Variants in CAV1 observed in about 807,000 individuals in gnomAD.
The protein encoded by CAV1 is caveolin 1.
CAV1 carries 10 observed loss-of-function variants against 16.5 expected under a neutral mutation model. The ratio of observed to expected loss-of-function variants is 0.61; its 90% CI spans 0.37 to 1.03. CAV1 has a LOEUF of 1.03. Among genes scored for constraint, CAV1 ranks in the 50% least tolerant of loss-of-function variants. The pLI is 0.01. For synonymous variants in CAV1, 76 were observed against 85.1 expected, an observed-to-expected ratio of 0.89 and a Z score of 0.59; for missense variants, 212 against 232.8, an observed-to-expected ratio of 0.91 and a Z score of 0.58.
intron 2 of CAV1, among the ~76,000 whole-genome samples, chr7:116,528,112 G>A (rs1793607359): frequency 1.5e-5 from 2 of 129,314 alleles, no homozygotes; most frequent in Admixed American, 9.1e-5. Context: ...CTTTGAACAA[G>A]AAGGAGAGTT....
intron 2 of CAV1, among the ~76,000 whole-genome samples, chr7:116,556,672 G>A (rs1181185169): frequency 6.6e-6 from 1 of 152,088 alleles, no homozygotes; most frequent in Non-Finnish European, 1.5e-5. Context: ...GACCTGCTTC[G>A]GGTCTGCTCT....
intron 2 of CAV1, among the ~76,000 whole-genome samples, chr7:116,535,984 G>A (rs144740459): frequency 2.0e-3 from 297 of 152,278 alleles, no homozygotes; most frequent in Non-Finnish European, 3.0e-3. Context: ...GCTGCATTCA[G>A]TGTATAAACT....
At chr7:116,535,441 G>A (rs1006468926) in intron 2 of CAV1, among the ~76,000 whole-genome samples, 2 of 152,076 alleles carry the variant, frequency 1.3e-5, no homozygotes, top group African/African-American at 4.8e-5. Context: ...TGAAACACAG[G>A]GTTAATGAGA....
chr7:116,534,424 A>G (rs1793765801), intron 2 of CAV1, among the ~76,000 whole-genome samples: 1 of 65,654 alleles, frequency 1.5e-5, no homozygotes, highest in South Asian at 7.0e-4. Flanking sequence ...TTTTGAGACG[A>G]TGTCTTGCTC....
At chr7:116,535,072 G>T (rs141159828) in intron 2 of CAV1, among the ~76,000 whole-genome samples, 1,819 of 152,268 alleles carry the variant, frequency 0.012, 21 homozygotes, top group Middle Eastern at 0.034. Flanking sequence ...TAGGAATGGG[G>T]TGACCATATA....
intron 2 of CAV1, among the ~76,000 whole-genome samples, chr7:116,528,303 C>A (rs1197224591): frequency 6.6e-6 from 1 of 152,056 alleles, no homozygotes; most frequent in African/African-American, 2.4e-5. Flanking sequence ...AAAGGCCCCA[C>A]TGGGAAAAGA....
rs774239970 is a variant in CAV1 at position 116,559,283 on chromosome 7, T to A, written c.533T>A (p.Ile178Lys). Residue 178 changes from isoleucine (I) to lysine (K), a missense_variant, in exon 3 of 3, where the codon ATA becomes AAA. Physicochemically the swap from Ile to Lys is moderately radical, Grantham distance 102. Transcript: ENST00000341049. ...GTCCGCATCAACTTGCAGAAAGAAA[T>A]ATAAATGACATTTCAAGGATAGAAG... ...SNVRINLQKE[I>K] is the part of the protein sequence containing the mutation. The A allele has an allele frequency of 4.7e-5, 75 of 1,609,778 alleles. No individual in the cohort carries two copies. The Admixed American group carries it at 1.2e-3, about 27-fold the overall frequency.
chr7:116,526,997 A>G, intron 2 of CAV1: 1 of 417,082 alleles, frequency 2.4e-6, no homozygotes, highest in South Asian at 2.1e-5. Context: ...CCTCAGCAAC[A>G]GACGGCCCAT....
chr7:116,525,510 G>A (rs1033243404), intron 1 of CAV1: 48 of 1,246,896 alleles, frequency 3.8e-5, no homozygotes, highest in Non-Finnish European at 4.9e-5. Flanking sequence ...GACAGTCCCC[G>A]GGACTCTCCG....
At position 116,558,640 on chromosome 7, in the gene CAV1, C is replaced by A. The variant is rs181311938; in HGVS notation, c.196-306C>A. 7.0e-3 allele frequency among the ~76,000 whole-genome samples: 1,060 copies of A among 151,432 alleles called. 13 individuals carry two copies. Among genetic ancestry groups the A allele is most frequent in the African/African-American group, 0.024 (978 of 41,220 alleles). ...TGGTGGCATGAACCTGTGGTCCCAGCTACTTAAGAGGCTGAGGCAGACAGA... is the reference window on the plus strand; with the variant it reads ...TGGTGGCATGAACCTGTGGTCCCAGATACTTAAGAGGCTGAGGCAGACAGA... On this transcript the variant is annotated intron_variant, in intron 2 of 2. Coordinates refer to ENST00000341049, the MANE Select transcript of CAV1 (RefSeq NM_001753.5).
At chr7:116,546,398 A>G (rs1794046918) in intron 2 of CAV1, among the ~76,000 whole-genome samples, 1 of 152,118 alleles carries the variant, frequency 6.6e-6, no homozygotes, top group South Asian at 2.1e-4. Context: ...CCCATAAAAA[A>G]GAATATGCAG....
rs1794390934 is a variant in CAV1, at chr7:116,560,601, T to C, written c.*1314T>C. 1 of 152,482 alleles carries C rather than the reference T, an allele frequency of 6.6e-6. No homozygotes were observed. Among genetic ancestry groups the C allele is most frequent in the Non-Finnish European group, 1.5e-5 (1 of 68,034 alleles). 9.4% of individuals were successfully genotyped at this position (152,482 alleles called of 1,614,324 possible). On this transcript the variant is annotated 3_prime_UTR_variant, in exon 3 of 3. Transcript: ENST00000341049. ...GATTGAAGTATTTTGCTGGAATAAGTTCAAATTCTTCTGAACTCAAACTGA... is the reference window on the plus strand; with the variant it reads ...GATTGAAGTATTTTGCTGGAATAAGCTCAAATTCTTCTGAACTCAAACTGA...
At position 116,555,518 on chromosome 7, in the gene CAV1, AAG is replaced by A. The variant is rs1187575266; in HGVS notation, c.196-3402_196-3401del. Among the ~76,000 whole-genome samples, 43 of 14,050 alleles carry A rather than the reference AAG, an allele frequency of 3.1e-3. 15 individuals are homozygous for A. Among genetic ancestry groups the A allele is most frequent in the South Asian group, 0.011 (2 of 174 alleles). The allele number at this position is 14,050 out of a possible 152,430, so 9.2% of individuals were successfully genotyped here. ...AAAGAAAGAAAGAAAGAAAGAAAGA[AAG>A]AGAGAGAGAGAGAGAGAGAGAGAGA... On this transcript the variant is annotated intron_variant, in intron 2 of 2. Coordinates refer to ENST00000341049, the MANE Select transcript of CAV1 (RefSeq NM_001753.5).
intron 2 of CAV1, among the ~76,000 whole-genome samples, chr7:116,548,071 G>A (rs1437576306): frequency 6.6e-6 from 1 of 152,172 alleles, no homozygotes; most frequent in African/African-American, 2.4e-5. Context: ...TCTCCTAGCA[G>A]AGAATGAAGC....
chr7:116,526,674 C>G lies in CAV1; in HGVS notation c.180C>G (p.Asn60Lys). The G allele has an allele frequency of 6.2e-7, 1 of 1,614,168 alleles. No individual in the cohort carries two copies. Among genetic ancestry groups the G allele is most frequent in the Non-Finnish European group, 8.5e-7 (1 of 1,180,040 alleles). ...DLVNRDPKHLNDDVVKIDFED... is the reference protein window; with the variant it reads ...DLVNRDPKHLKDDVVKIDFED... ...TCAACCGCGACCCTAAACACCTCAA[C>G]GATGACGTGGTCAAGGTAAGCCAAG... The change falls in exon 2 of 3, where the codon AAC (asparagine) becomes AAG (lysine). Residue 60 changes from asparagine to lysine, a missense_variant. Asn to Lys is a moderately conservative substitution (Grantham distance 94, BLOSUM62 0). Coordinates refer to ENST00000341049, the MANE Select transcript of CAV1 (RefSeq NM_001753.5).
chr7:116,558,845 C>A, intron 2 of CAV1, 101 bp from the exon 3 acceptor site: 1 of 880,920 alleles, frequency 1.1e-6, no homozygotes, highest in Non-Finnish European at 1.8e-6. Flanking sequence ...AGAACGAACT[C>A]ATAAATGCTA....
intron 2 of CAV1, among the ~76,000 whole-genome samples, chr7:116,544,601 A>T (rs1371025217): frequency 6.6e-6 from 1 of 152,240 alleles, no homozygotes; most frequent in Non-Finnish European, 1.5e-5. Flanking sequence ...AAACATTATG[A>T]ATAACTTAGA....
At chr7:116,532,950 G>A (rs1408518731) in intron 2 of CAV1, among the ~76,000 whole-genome samples, 3 of 152,132 alleles carry the variant, frequency 2.0e-5, no homozygotes, top group African/African-American at 4.8e-5. Flanking sequence ...AAGAAGGGAC[G>A]GAAAATATTA....
chr7:116,533,352 TAAAA>T (rs1400472712), intron 2 of CAV1, among the ~76,000 whole-genome samples: 1 of 2,338 alleles, frequency 4.3e-4, no homozygotes, highest in East Asian at 0.25. Context: ...ATAAAATAAA[TAAAA>T]TAAAATAAAA....
Sources: allele counts gnomAD v4.1 joint callset (sites outside exome capture counted in the v4.1 genomes callset), GRCh38; gene constraint gnomAD v4.1.1; transcripts MANE v1.5; gene names NCBI Gene and HGNC (gene_info 2026-07-23, HGNC 2026-07-21).